LRRC4C: variants seen among roughly 807,000 people sequenced by gnomAD.
LRRC4C encodes leucine rich repeat containing 4C.
Under a neutral mutation model 33.6 loss-of-function variants are expected in LRRC4C, and 5 were observed. The observed-to-expected ratio is 0.15, with a 90% CI of 0.08 to 0.31. LRRC4C has a LOEUF of 0.31. LRRC4C is among the 10% of genes least tolerant of loss of function. The pLI, the probability that LRRC4C is intolerant of heterozygous loss-of-function variation, is 1.00. For missense variants in LRRC4C, 560 were observed against 796.7 expected (o/e 0.70, Z 3.58); for synonymous variants, 329 against 302.0 (o/e 1.09, Z -0.93).
intron 1 of LRRC4C, among the ~76,000 whole-genome samples, chr11:41,118,835 C>A (rs909342935): frequency 7.9e-5 from 12 of 152,118 alleles, no homozygotes; most frequent in African/African-American, 2.9e-4. Flanking sequence ...ATAAGGATCA[C>A]CATCAAGGGC....
intron 1 of LRRC4C, among the ~76,000 whole-genome samples, chr11:41,381,946 T>C (rs1033517723): frequency 6.6e-6 from 1 of 151,324 alleles, no homozygotes; most frequent in Non-Finnish European, 1.5e-5. Context: ...ATATATATAA[T>C]CTATATATAT....
chr11:40,281,762 A>G (rs1272494570), intron 4 of LRRC4C, among the ~76,000 whole-genome samples: 2 of 152,158 alleles, frequency 1.3e-5, no homozygotes, highest in Non-Finnish European at 1.5e-5. Flanking sequence ...AAATCTGTCA[A>G]CTTGTTCTAG....
Position 40,819,998 on chromosome 11 carries a change from C to CA in LRRC4C, c.-407+113636dup, listed in dbSNP as rs534931567. ...AAGTGACTAAATTAAAAAAAAGACA[C>CA]AAAAAACCACTAATGTCAACAAACT... On this transcript the variant is annotated intron_variant, in intron 2 of 6. Transcript: ENST00000528697. Among the ~76,000 whole-genome samples, 128 of 151,638 alleles carry CA rather than the reference C, an allele frequency of 8.4e-4. 1 individual carries two copies. Among genetic ancestry groups the CA allele is most frequent in the Admixed American group, 1.6e-3 (24 of 15,182 alleles).
intron 1 of LRRC4C, among the ~76,000 whole-genome samples, chr11:40,987,634 TATATATATATATATATATCTC>T (rs1274688276): frequency 6.0e-5 from 5 of 83,858 alleles, no homozygotes; most frequent in African/African-American, 1.2e-4. Context: ...GGTAATGATA[TATATATATATATATATATCTC>T]ATATATATGA....
chr11:40,692,605 C>T (rs1945271292), intron 2 of LRRC4C, among the ~76,000 whole-genome samples: 1 of 151,810 alleles, frequency 6.6e-6, no homozygotes, highest in African/African-American at 2.4e-5. Flanking sequence ...CAATTCTAAA[C>T]AAAAAGCCTT....
chr11:41,434,106 A>G (rs1955339624), intron 1 of LRRC4C, among the ~76,000 whole-genome samples: 1 of 152,120 alleles, frequency 6.6e-6, no homozygotes, highest in Non-Finnish European at 1.5e-5. Context: ...GTCATGGTCC[A>G]TAGATATTCA....
chr11:40,675,256 C>T (rs943569273), intron 2 of LRRC4C, among the ~76,000 whole-genome samples: 1 of 152,060 alleles, frequency 6.6e-6, no homozygotes, highest in Non-Finnish European at 1.5e-5. Context: ...TTAAGCATTT[C>T]AGGAAAATGG....
chr11:40,949,858 A>G (rs1054052419), intron 1 of LRRC4C, among the ~76,000 whole-genome samples: 2 of 152,118 alleles, frequency 1.3e-5, no homozygotes, highest in Non-Finnish European at 2.9e-5. Context: ...TCAAATTCAC[A>G]CATAACAATA....
intron 3 of LRRC4C, among the ~76,000 whole-genome samples, chr11:40,325,739 A>G (rs759810833): frequency 3.9e-5 from 6 of 152,168 alleles, no homozygotes; most frequent in Non-Finnish European, 7.4e-5. Flanking sequence ...CCAGGCAGCT[A>G]ATGATCATAG....
At chr11:40,500,942 G>T (rs575761828) in intron 3 of LRRC4C, among the ~76,000 whole-genome samples, 3 of 152,212 alleles carry the variant, frequency 2.0e-5, no homozygotes, top group South Asian at 4.1e-4. Flanking sequence ...AAAATCAAAA[G>T]AAAGTTAGTT....
chr11:40,331,613 G>A (rs945545505), intron 3 of LRRC4C, among the ~76,000 whole-genome samples: 2 of 152,210 alleles, frequency 1.3e-5, no homozygotes, highest in African/African-American at 2.4e-5. Context: ...CCTCACCAGT[G>A]TGGGCAGGCA....
At chr11:41,321,654 G>C (rs1198853989) in intron 1 of LRRC4C, among the ~76,000 whole-genome samples, 2 of 152,100 alleles carry the variant, frequency 1.3e-5, no homozygotes, top group African/African-American at 4.8e-5. Flanking sequence ...GACCAGGGTA[G>C]ATACCACTAT....
At chr11:40,562,837 C>T (rs989289511) in intron 3 of LRRC4C, among the ~76,000 whole-genome samples, 48 of 152,198 alleles carry the variant, frequency 3.2e-4, no homozygotes, top group African/African-American at 9.4e-4. Context: ...CTTTCTGCAA[C>T]GGCTCATCTT....
At chr11:41,046,545 C>G (rs1857786593) in intron 1 of LRRC4C, among the ~76,000 whole-genome samples, 1 of 152,128 alleles carries the variant, frequency 6.6e-6, no homozygotes, top group Non-Finnish European at 1.5e-5. Context: ...GGGGATAGAA[C>G]AGTCATGGTT....
chr11:40,528,156 G>C (rs986948381), intron 3 of LRRC4C, among the ~76,000 whole-genome samples: 3 of 151,812 alleles, frequency 2.0e-5, no homozygotes, highest in Non-Finnish European at 1.5e-5. Context: ...CGAAAGCAAA[G>C]CAAAAAAGCA....
chr11:41,214,395 A>G (rs1277745251), intron 1 of LRRC4C, among the ~76,000 whole-genome samples: 2 of 151,910 alleles, frequency 1.3e-5, no homozygotes, highest in Non-Finnish European at 2.9e-5. Context: ...ATAAAAATGA[A>G]AAAGAGAAAA....
intron 2 of LRRC4C, among the ~76,000 whole-genome samples, chr11:40,862,494 G>T (rs935335676): frequency 2.0e-5 from 3 of 152,140 alleles, no homozygotes; most frequent in African/African-American, 7.2e-5. Context: ...TGCTTCTGTG[G>T]TTTTTTAAAT....
At chr11:40,348,404 T>C (rs1947234383) in intron 3 of LRRC4C, among the ~76,000 whole-genome samples, 1 of 152,210 alleles carries the variant, frequency 6.6e-6, no homozygotes, top group South Asian at 2.1e-4. Flanking sequence ...GTATATTTAC[T>C]TTTCCAGAGG....
chr11:40,129,901 C>G lies in LRRC4C; in HGVS notation c.-43+10900G>C, dbSNP rs532065749. ...ATCCGACCCAGGGATAGAGTCACAG[C>G]TTGGCAGGGCTAAAAATAAAAATAA... is the stretch of plus-strand genomic sequence containing the variant. On this transcript the variant is annotated intron_variant, in intron 6 of 6. Coordinates refer to ENST00000528697, the MANE Select transcript of LRRC4C (RefSeq NM_001258419.2). 8.5e-5 allele frequency among the ~76,000 whole-genome samples: 13 copies of G among 152,266 alleles called. No individual in the cohort carries two copies. In the South Asian group the frequency reaches 2.7e-3, roughly 32 times the overall value.
Sources: gnomAD v4.1 joint callset for allele counts (sites outside exome capture counted in the v4.1 genomes callset) on GRCh38, gnomAD v4.1.1 for gene constraint, MANE v1.5 for transcripts, NCBI Gene and HGNC (gene_info 2026-07-23, HGNC 2026-07-21) for gene names.